Variants in PCDHGC3 observed in about 807,000 individuals in gnomAD.
PCDHGC3 encodes protocadherin gamma-C3.
A neutral mutation model predicts 59.2 loss-of-function variants in PCDHGC3; 26 were observed. That is an observed-to-expected ratio of 0.44 (90% CI 0.32 to 0.61). PCDHGC3 has a LOEUF of 0.61. PCDHGC3 is among the 20% of genes least tolerant of loss of function. The pLI is 0.05. For missense variants in PCDHGC3, 1,080 were observed against 1,221.8 expected (o/e 0.88, Z 1.73); for synonymous variants, 487 against 519.7 (o/e 0.94, Z 0.86).
chr5:141,484,121 C>A (rs1451102473), intron 1 of PCDHGC3, among the ~76,000 whole-genome samples: 1 of 152,152 alleles, frequency 6.6e-6, no homozygotes, highest in African/African-American at 2.4e-5. Context: ...TCAAGAATAC[C>A]TTGGTGTCAG....
rs776718024 is a variant in PCDHGC3 at position 141,486,333 on chromosome 5, T to C, written c.2430+7787T>C. 8.1e-6 allele frequency: 13 copies of C among 1,614,080 alleles called. No individual in the cohort carries two copies. Among genetic ancestry groups the C allele is most frequent in the Non-Finnish European group, 1.1e-5 (13 of 1,179,998 alleles). On this transcript the variant is annotated intron_variant, in intron 1 of 3. Coordinates refer to ENST00000308177, the MANE Select transcript of PCDHGC3 (RefSeq NM_002588.4). The surrounding 1 kb of genome is among the most constrained non-coding windows in gnomAD (Gnocchi z 5.0). ...TCAGGGTCAAACGGAGATGTGAGCC[T>C]CCGCATTCCTGACCACTTGCCATTT...
chr5:141,505,270 G>A (rs550800630), intron 2 of PCDHGC3, 123 bp from the exon 3 acceptor site: 103 of 1,520,724 alleles, frequency 6.8e-5, no homozygotes, highest in Middle Eastern at 4.6e-4. Context: ...CTTGCTGAGA[G>A]AAACAGGTCT....
At position 141,499,689 on chromosome 5, in the gene PCDHGC3, C is replaced by CTT. The variant is rs545067566; in HGVS notation, c.2489+4845_2489+4846dup. 4.8e-3 allele frequency among the ~76,000 whole-genome samples: 577 copies of CTT among 119,808 alleles called. 2 individuals carry two copies. Among genetic ancestry groups the CTT allele is most frequent in the Non-Finnish European group, 6.7e-3 (386 of 57,912 alleles). 78.6% of individuals were successfully genotyped at this position (119,808 alleles called of 152,430 possible). A position where few individuals can be genotyped will look rare whatever the true frequency, so the allele number is the denominator to read the frequency against. On this transcript the variant is annotated intron_variant, in intron 2 of 3. Coordinates refer to ENST00000308177, the MANE Select transcript of PCDHGC3 (RefSeq NM_002588.4). ...GGTCTCCACCATCTTTAACAGATGA[C>CTT]TTTTTTTTTTTTTTTTTTTTTTGGA...
Position 141,512,147 on chromosome 5 carries a change from GGCTGA to G in PCDHGC3, c.*978_*982del, listed in dbSNP as rs1406468661. The G allele has an allele frequency of 1.3e-5, 2 of 152,652 alleles. No homozygotes were observed. Among genetic ancestry groups the G allele is most frequent in the Admixed American group, 6.5e-5 (1 of 15,286 alleles). The allele number at this position is 152,652 out of a possible 1,614,324, so 9.5% of individuals were successfully genotyped here. A position where few individuals can be genotyped will look rare whatever the true frequency, so the allele number is the denominator to read the frequency against. On this transcript the variant is annotated 3_prime_UTR_variant, in exon 4 of 4. Coordinates refer to ENST00000308177, the MANE Select transcript of PCDHGC3 (RefSeq NM_002588.4). ...GGCTCAGCCCAGGCAGCCAGCTTTG[GGCTGA>G]GCTAACAGGACCAATGGATTAAACT... is the stretch of plus-strand genomic sequence containing the variant.
intron 3 of PCDHGC3, among the ~76,000 whole-genome samples, chr5:141,509,336 GC>G (rs2099876304): frequency 6.6e-6 from 1 of 152,178 alleles, no homozygotes; most frequent in Non-Finnish European, 1.5e-5. Context: ...TGCCAGCTGG[GC>G]CTGGGCTGGC....
chr5:141,508,479 T>G (rs1361434920), intron 3 of PCDHGC3, among the ~76,000 whole-genome samples: 1 of 152,152 alleles, frequency 6.6e-6, no homozygotes, highest in Non-Finnish European at 1.5e-5. Flanking sequence ...TCTTTTACAT[T>G]CTGGATTTCC....
In PCDHGC3 at chr5:141,487,268, G is replaced by A; in HGVS notation, c.2431-7539G>A. ...CCTCTACTTGGCTGTGTCCCTAGTG[G>A]CAATTTGCTTTGTCTCCTTTGGCTC... On this transcript the variant is annotated intron_variant, in intron 1 of 3. Transcript: ENST00000308177. This position sits in a 1 kb window ranked among gnomAD's most constrained non-coding sequence, Gnocchi z 5.0. 4 of 1,614,100 alleles carry A rather than the reference G, an allele frequency of 2.5e-6. No homozygotes were observed. The South Asian group carries it at 4.4e-5, about 18-fold the overall frequency.
intron 1 of PCDHGC3, 106 bp from the exon 2 acceptor site, chr5:141,494,701 C>T: frequency 6.3e-7 from 1 of 1,594,596 alleles, no homozygotes; most frequent in Admixed American, 1.7e-5. Flanking sequence ...CCGTTTTCTT[C>T]TCTGTGCCCA....
At position 141,476,786 on chromosome 5, in the gene PCDHGC3, C is replaced by G. The variant is rs2099398607; in HGVS notation, c.670C>G (p.Leu224Val). 3.1e-6 allele frequency: 5 copies of G among 1,613,444 alleles called. No individual in the cohort carries two copies. The highest frequency in any genetic ancestry group is 1.7e-5 in the Admixed American group (1 of 60,000). ...LTALDGGTPA[L>V]SASLPIHIKV... ...GGCGTTGGACGGAGGGACCCCAGCTCTCTCCGCCAGCCTGCCTATTCACAT... is the reference window on the plus strand; with the variant it reads ...GGCGTTGGACGGAGGGACCCCAGCTGTCTCCGCCAGCCTGCCTATTCACAT... The change falls in exon 1 of 4, where the codon CTC becomes GTC. Residue 224 changes from leucine to valine, a missense_variant. Physicochemically the swap from Leu to Val is conservative, Grantham distance 32 (BLOSUM62 1). Coordinates refer to ENST00000308177, the MANE Select transcript of PCDHGC3 (RefSeq NM_002588.4). The surrounding 1 kb of genome is among the most constrained non-coding windows in gnomAD (Gnocchi z 7.6).
In PCDHGC3 at chr5:141,489,801, T is replaced by C. The variant is rs201458939; in HGVS notation, c.2431-5006T>C. 6.2e-7 allele frequency: 1 copy of C among 1,614,148 alleles called. No homozygotes were observed. On this transcript the variant is annotated intron_variant, in intron 1 of 3. Coordinates refer to ENST00000308177, the MANE Select transcript of PCDHGC3 (RefSeq NM_002588.4). The surrounding 1 kb of genome is among the most constrained non-coding windows in gnomAD (Gnocchi z 4.5). The stretch of plus-strand genomic sequence containing the variant: ...CTCTGAATGTGAAGACCCTAAAAGA[T>C]GGGAAGCCATTCCCAGAGCTGGTGC...
chr5:141,477,224 G>C lies in PCDHGC3; in HGVS notation c.1108G>C (p.Val370Leu). 6.2e-7 allele frequency: 1 copy of C among 1,614,200 alleles called. No individual in the cohort carries two copies. The highest frequency in any genetic ancestry group is 8.5e-7 in the Non-Finnish European group (1 of 1,180,046). ...PVPEDAPLGT[V>L]IALLSVTDLD... Reference sequence around the variant, plus strand: ...ACCCGAGGATGCCCCTCTGGGGACTGTCATCGCTTTGCTCAGTGTGACTGA... The same window carrying C: ...ACCCGAGGATGCCCCTCTGGGGACTCTCATCGCTTTGCTCAGTGTGACTGA... Residue 370 changes from valine (V) to leucine (L), a missense_variant, in exon 1 of 4, where the codon GTC becomes CTC. Transcript: ENST00000308177. The surrounding 1 kb of genome is among the most constrained non-coding windows in gnomAD (Gnocchi z 4.9).
chr5:141,492,079 G>C (rs1400390407), intron 1 of PCDHGC3: 3 of 486,286 alleles, frequency 6.2e-6, no homozygotes, highest in South Asian at 4.1e-5. Flanking sequence ...CGCCGGCTCC[G>C]GCACGCTTCG....
At chr5:141,495,800 C>T (rs1351461035) in intron 2 of PCDHGC3, among the ~76,000 whole-genome samples, 5 of 152,134 alleles carry the variant, frequency 3.3e-5, no homozygotes, top group Non-Finnish European at 7.3e-5. Context: ...CTCCTTTCAC[C>T]GTTTCCTAGC....
intron 1 of PCDHGC3, among the ~76,000 whole-genome samples, chr5:141,492,996 AG>A: frequency 6.6e-6 from 1 of 152,348 alleles, no homozygotes; most frequent in Admixed American, 6.5e-5. Flanking sequence ...GCAGATGGAA[AG>A]CTATAGGCTC....
At position 141,491,546 on chromosome 5, in the gene PCDHGC3, C is replaced by T; in HGVS notation, c.2431-3261C>T. ...GAGGTGACGCTGCGGCCCACAGACT[C>T]GCAGAGCCACTGCTACAGGACGTGC... On this transcript the variant is annotated intron_variant, in intron 1 of 3. Transcript: ENST00000308177. This position sits in a 1 kb window ranked among gnomAD's most constrained non-coding sequence, Gnocchi z 6.9. 1.9e-6 allele frequency: 3 copies of T among 1,614,038 alleles called. No homozygotes were observed. Among genetic ancestry groups the T allele is most frequent in the Non-Finnish European group, 2.5e-6 (3 of 1,180,024 alleles).
Position 141,489,323 on chromosome 5 carries a change from C to T in PCDHGC3, c.2431-5484C>T, listed in dbSNP as rs746520513. 1 of 1,601,632 alleles carries T rather than the reference C, an allele frequency of 6.2e-7. No individual in the cohort carries two copies. Among genetic ancestry groups the T allele is most frequent in the Non-Finnish European group, 8.5e-7 (1 of 1,172,950 alleles). ...TCCTTGTGCTGCTGGGGCTGGGTGT[C>T]TGGGCAGCTTCGTTACTCAGTGGTG... On this transcript the variant is annotated intron_variant, in intron 1 of 3. Coordinates refer to ENST00000308177, the MANE Select transcript of PCDHGC3 (RefSeq NM_002588.4). The surrounding 1 kb of genome is among the most constrained non-coding windows in gnomAD (Gnocchi z 4.5).
chr5:141,498,104 C>T (rs530844708), intron 2 of PCDHGC3, among the ~76,000 whole-genome samples: 2 of 152,106 alleles, frequency 1.3e-5, no homozygotes, highest in African/African-American at 4.8e-5. Context: ...GTGGTGTGGG[C>T]GTATAATAGG....
intron 1 of PCDHGC3, among the ~76,000 whole-genome samples, chr5:141,480,272 G>A (rs903112862): frequency 7.2e-6 from 1 of 138,796 alleles, no homozygotes; most frequent in African/African-American, 3.0e-5. Flanking sequence ...TTCATTAGCT[G>A]GGTGTGTTGG....
At position 141,485,480 on chromosome 5, in the gene PCDHGC3, A is replaced by G. The variant is rs535194185; in HGVS notation, c.2430+6934A>G. On this transcript the variant is annotated intron_variant, in intron 1 of 3. Transcript: ENST00000308177. The surrounding 1 kb of genome is among the most constrained non-coding windows in gnomAD (Gnocchi z 5.7). Reference sequence around the variant, plus strand: ...ACTGTGTGGGCTCAGTGCCAGCTGCATCGTGCCCCTGGAGTTTGTCACCGA... The same window carrying G: ...ACTGTGTGGGCTCAGTGCCAGCTGCGTCGTGCCCCTGGAGTTTGTCACCGA... The G allele has an allele frequency of 2.5e-6, 4 of 1,614,154 alleles. No individual in the cohort carries two copies. The South Asian group carries it at 3.3e-5, about 13-fold the overall frequency.
Sources: allele counts gnomAD v4.1 joint callset (sites outside exome capture counted in the v4.1 genomes callset), GRCh38; gene constraint gnomAD v4.1.1; non-coding constraint Gnocchi (gnomAD v3.1); transcripts MANE v1.5; gene names NCBI Gene and HGNC (gene_info 2026-07-23, HGNC 2026-07-21).